ARHGAP15: variants seen among roughly 807,000 people sequenced by gnomAD.
ARHGAP15 encodes the protein rho GTPase-activating protein 15.
Under a neutral mutation model 63.7 loss-of-function variants are expected in ARHGAP15, and 51 were observed. The observed-to-expected ratio is 0.80, with a 90% CI of 0.64 to 1.01. The LOEUF (loss-of-function observed/expected upper bound fraction) is 1.01, where lower values mean the gene tolerates loss of function less well. Ranked by LOEUF, ARHGAP15 falls within the 50% of genes least tolerant of loss-of-function variation. ARHGAP15 has a pLI of 0.00. For synonymous variants in ARHGAP15, 191 were observed against 193.8 expected, an observed-to-expected ratio of 0.99 and a Z score of 0.12; for missense variants, 560 against 564.6, an observed-to-expected ratio of 0.99 and a Z score of 0.08.
At chr2:143,559,615 C>A (rs547785816) in intron 11 of ARHGAP15, among the ~76,000 whole-genome samples, 1 of 152,176 alleles carries the variant, frequency 6.6e-6, no homozygotes, top group African/African-American at 2.4e-5. Flanking sequence ...CCTTTGAATG[C>A]GTTTTCTGGA....
intron 10 of ARHGAP15, among the ~76,000 whole-genome samples, chr2:143,536,062 A>T (rs911691918): frequency 1.3e-5 from 2 of 152,196 alleles, no homozygotes; most frequent in African/African-American, 4.8e-5. Flanking sequence ...AGCACTTAAC[A>T]TTCACTCTCA....
intron 6 of ARHGAP15, among the ~76,000 whole-genome samples, chr2:143,381,884 AAG>A (rs1347738348): frequency 2.6e-5 from 4 of 152,120 alleles, no homozygotes; most frequent in Admixed American, 2.6e-4. Flanking sequence ...AGGTACAAAT[AAG>A]AGGTGATTTT....
intron 12 of ARHGAP15, among the ~76,000 whole-genome samples, chr2:143,650,997 A>G (rs1047680350): frequency 1.3e-5 from 2 of 151,936 alleles, no homozygotes; most frequent in African/African-American, 2.4e-5. Context: ...CTGTATCTCT[A>G]TGCACTAAGT....
intron 6 of ARHGAP15, among the ~76,000 whole-genome samples, chr2:143,300,558 G>A (rs1201499906): frequency 6.6e-6 from 1 of 151,940 alleles, no homozygotes; most frequent in Non-Finnish European, 1.5e-5. Context: ...AGCACTGGGG[G>A]TTCTTGGTTA....
intron 8 of ARHGAP15, 106 bp downstream of exon 8, chr2:143,437,148 G>C (rs1689649565): frequency 2.3e-6 from 3 of 1,292,882 alleles, no homozygotes; most frequent in East Asian, 5.1e-5. Flanking sequence ...CATACTCATG[G>C]AAGATTCGTA....
intron 10 of ARHGAP15, among the ~76,000 whole-genome samples, chr2:143,541,779 C>G (rs1033578397): frequency 2.6e-5 from 4 of 152,176 alleles, no homozygotes; most frequent in African/African-American, 7.2e-5. Flanking sequence ...AGGTGTTAGT[C>G]TGCCCCTACT....
At chr2:143,519,441 C>A in intron 10 of ARHGAP15, 77 bp downstream of exon 10, 3 of 1,142,490 alleles carry the variant, frequency 2.6e-6, no homozygotes, top group Non-Finnish European at 3.9e-6. Flanking sequence ...AGCAGTGCCA[C>A]CTGATTTGTC....
At chr2:143,336,296 C>T (rs1684770335) in intron 6 of ARHGAP15, among the ~76,000 whole-genome samples, 2 of 152,066 alleles carry the variant, frequency 1.3e-5, no homozygotes, top group Admixed American at 1.3e-4. Flanking sequence ...GAAGGGCATA[C>T]CTCTATAAGG....
intron 11 of ARHGAP15, among the ~76,000 whole-genome samples, chr2:143,609,464 G>T (rs1424037540): frequency 1.3e-5 from 2 of 152,074 alleles, no homozygotes; most frequent in African/African-American, 4.8e-5. Context: ...TTACACATTG[G>T]GATAAATGCG....
chr2:143,137,629 T>C (rs1242958339), intron 1 of ARHGAP15, among the ~76,000 whole-genome samples: 1 of 152,040 alleles, frequency 6.6e-6, no homozygotes, highest in Non-Finnish European at 1.5e-5. Context: ...AAAGAGCAAC[T>C]ACCTCTAAGT....
chr2:143,406,378 A>G (rs1199705429), intron 6 of ARHGAP15, among the ~76,000 whole-genome samples: 1 of 151,916 alleles, frequency 6.6e-6, no homozygotes, highest in Non-Finnish European at 1.5e-5. Flanking sequence ...TTAATTTCTA[A>G]TTGTAGGACA....
chr2:143,470,881 T>C (rs1691501517), intron 8 of ARHGAP15, among the ~76,000 whole-genome samples: 2 of 149,808 alleles, frequency 1.3e-5, no homozygotes, highest in Non-Finnish European at 3.0e-5. Context: ...TGTATATATA[T>C]ACACGTATAT....
chr2:143,627,374 T>C (rs2105247297), intron 12 of ARHGAP15, among the ~76,000 whole-genome samples: 1 of 152,278 alleles, frequency 6.6e-6, no homozygotes, highest in East Asian at 1.9e-4. Flanking sequence ...ACCTTGAAGC[T>C]AGTCCTTGTG....
At chr2:143,266,455 A>T (rs1680999319) in intron 6 of ARHGAP15, among the ~76,000 whole-genome samples, 1 of 152,182 alleles carries the variant, frequency 6.6e-6, no homozygotes, top group Non-Finnish European at 1.5e-5. Flanking sequence ...CTGGGCCCCA[A>T]AACAGGGCAG....
chr2:143,282,910 T>C (rs1330008152), intron 6 of ARHGAP15, among the ~76,000 whole-genome samples: 1 of 152,182 alleles, frequency 6.6e-6, no homozygotes, highest in Non-Finnish European at 1.5e-5. Flanking sequence ...GGCGTTACGC[T>C]GTAGCCAGCC....
intron 6 of ARHGAP15, among the ~76,000 whole-genome samples, chr2:143,391,307 A>G (rs1687529360): frequency 6.6e-6 from 1 of 152,218 alleles, no homozygotes; most frequent in South Asian, 2.1e-4. Flanking sequence ...CAGATTACAG[A>G]ATAAAACCTA....
At chr2:143,248,248 C>T (rs895664483) in intron 5 of ARHGAP15, among the ~76,000 whole-genome samples, 2 of 152,098 alleles carry the variant, frequency 1.3e-5, no homozygotes, top group East Asian at 3.9e-4. Context: ...TGACATTTAA[C>T]TGGGAACTGA....
At chr2:143,562,171 T>A (rs1225256274) in intron 11 of ARHGAP15, among the ~76,000 whole-genome samples, 5 of 152,210 alleles carry the variant, frequency 3.3e-5, no homozygotes. Context: ...ACTACTTTAA[T>A]ATAGATTTGT....
chr2:143,737,905 C>T (rs1299593957), intron 13 of ARHGAP15, among the ~76,000 whole-genome samples: 8 of 152,006 alleles, frequency 5.3e-5, no homozygotes, highest in Non-Finnish European at 8.8e-5. Flanking sequence ...TACAGGCATG[C>T]GCCACCACAC....
Sources: gnomAD v4.1 joint callset for allele counts (sites outside exome capture counted in the v4.1 genomes callset) on GRCh38, gnomAD v4.1.1 for gene constraint, MANE v1.5 for transcripts, NCBI Gene and HGNC (gene_info 2026-07-23, HGNC 2026-07-21) for gene names.